The following ZNF407 variants were observed in gnomAD, a reference collection of about 807,000 sequenced individuals.
ZNF407 encodes zinc finger protein 407.
ZNF407 carries 17 observed loss-of-function variants against 131.2 expected under a neutral mutation model. The observed-to-expected ratio is 0.13, with a 90% CI of 0.09 to 0.19. The LOEUF (loss-of-function observed/expected upper bound fraction) is 0.19. Among genes scored for constraint, ZNF407 ranks in the 10% least tolerant of loss-of-function variants. The pLI is 1.00. For missense variants in ZNF407, 2,681 were observed against 2,830.6 expected, an observed-to-expected ratio of 0.95 and a Z score of 1.20; for synonymous variants, 1,156 against 1,062.0, an observed-to-expected ratio of 1.09 and a Z score of -1.72.
chr18:74,885,245 CTGTT>C (rs1971292158), intron 6 of ZNF407, among the ~76,000 whole-genome samples: 1 of 152,054 alleles, frequency 6.6e-6, no homozygotes, highest in African/African-American at 2.4e-5. Flanking sequence ...ACCTGTGCAT[CTGTT>C]TGTCAATTGT....
chr18:74,870,671 T>C (rs1971073923), intron 4 of ZNF407, among the ~76,000 whole-genome samples: 1 of 152,162 alleles, frequency 6.6e-6, no homozygotes, highest in African/African-American at 2.4e-5. Flanking sequence ...TATTTAGCCT[T>C]TGTACACACA....
chr18:74,888,227 T>C (rs1366330783), intron 6 of ZNF407, among the ~76,000 whole-genome samples: 1 of 152,176 alleles, frequency 6.6e-6, no homozygotes, highest in African/African-American at 2.4e-5. Flanking sequence ...AGAAAAATAT[T>C]ACTATACATT....
chr18:75,017,034 T>G (rs796974813), intron 8 of ZNF407, among the ~76,000 whole-genome samples: 3 of 152,082 alleles, frequency 2.0e-5, no homozygotes, highest in African/African-American at 7.2e-5. Context: ...TAAAACTGAG[T>G]GGCAGTGGGA....
intron 8 of ZNF407, among the ~76,000 whole-genome samples, chr18:75,002,748 C>T (rs113913865): frequency 0.04 from 5,942 of 147,876 alleles, 182 homozygotes; most frequent in Middle Eastern, 0.063. Context: ...GAGCTTGCAG[C>T]GAGCCGAGAT....
intron 8 of ZNF407, among the ~76,000 whole-genome samples, chr18:75,040,693 C>T (rs1025066930): frequency 2.0e-5 from 3 of 152,128 alleles, no homozygotes; most frequent in East Asian, 3.9e-4. Context: ...TTGCCCACTG[C>T]GTAACTCTTT....
intron 3 of ZNF407, 112 bp downstream of exon 3, chr18:74,641,234 G>A (rs941183739): frequency 2.9e-5 from 21 of 725,094 alleles, no homozygotes; most frequent in South Asian, 5.0e-5. Flanking sequence ...TTATGCATGC[G>A]TACCCTCCTT....
intron 7 of ZNF407, chr18:74,898,159 A>G (rs1186481740): frequency 6.6e-6 from 1 of 152,208 alleles, no homozygotes; most frequent in African/African-American, 2.4e-5. Context: ...CAGCTTATGT[A>G]TCAGCGTGTC....
chr18:74,973,292 G>A (rs1972493351), intron 8 of ZNF407, among the ~76,000 whole-genome samples: 1 of 152,130 alleles, frequency 6.6e-6, no homozygotes, highest in Non-Finnish European at 1.5e-5. Context: ...ATAACTACAT[G>A]CATTGAGACC....
At chr18:74,692,901 C>G (rs1468991076) in intron 3 of ZNF407, among the ~76,000 whole-genome samples, 2 of 152,140 alleles carry the variant, frequency 1.3e-5, no homozygotes, top group African/African-American at 2.4e-5. Flanking sequence ...TGCTTTATGG[C>G]AGAGAACTGC....
intron 8 of ZNF407, chr18:74,920,984 G>C: frequency 9.2e-7 from 1 of 1,082,656 alleles, no homozygotes; most frequent in Non-Finnish European, 1.1e-6. Flanking sequence ...AATGAGAGTA[G>C]TTGTTAAATC....
intron 3 of ZNF407, among the ~76,000 whole-genome samples, chr18:74,696,298 G>T (rs1967354157): frequency 6.6e-6 from 1 of 152,114 alleles, no homozygotes; most frequent in South Asian, 2.1e-4. Context: ...ATTTTTTCCT[G>T]TTCTCCCAAA....
At chr18:74,948,576 A>G (rs1972180276) in intron 8 of ZNF407, among the ~76,000 whole-genome samples, 1 of 152,156 alleles carries the variant, frequency 6.6e-6, no homozygotes, top group African/African-American at 2.4e-5. Flanking sequence ...TTAATTTATC[A>G]TTTTTACATG....
At chr18:74,932,937 TGCTGAAGCGAATGTA>T (rs1971998965) in intron 8 of ZNF407, among the ~76,000 whole-genome samples, 1 of 152,208 alleles carries the variant, frequency 6.6e-6, no homozygotes, top group African/African-American at 2.4e-5. Flanking sequence ...CCTTATGCGC[TGCTGAAGCGAATGTA>T]CAATAGTGCA....
chr18:75,047,118 T>A lies in ZNF407; in HGVS notation c.5429-16032T>A, dbSNP rs569499627. On this transcript the variant is annotated intron_variant, in intron 8 of 8. Transcript: ENST00000299687. Reference sequence around the variant, plus strand: ...CCAAATATTGAATAATACAAGCATGTTTTAAGAAAGAACTGAGCCCAGTGT... The same window carrying A: ...CCAAATATTGAATAATACAAGCATGATTTAAGAAAGAACTGAGCCCAGTGT... Among the ~76,000 whole-genome samples, 9 of 152,338 alleles carry A rather than the reference T, an allele frequency of 5.9e-5. No homozygotes were observed. The East Asian group carries it at 1.7e-3, about 29-fold the overall frequency.
intron 8 of ZNF407, among the ~76,000 whole-genome samples, chr18:74,953,045 A>G (rs1972233803): frequency 6.6e-6 from 1 of 152,230 alleles, no homozygotes; most frequent in Non-Finnish European, 1.5e-5. Context: ...ACTCTGACGG[A>G]AAGCCATAGA....
At chr18:74,878,354 T>C (rs1321248379) in intron 5 of ZNF407, among the ~76,000 whole-genome samples, 1 of 152,188 alleles carries the variant, frequency 6.6e-6, no homozygotes, top group African/African-American at 2.4e-5. Flanking sequence ...AATTTTATAT[T>C]ATTGTTAGAA....
rs375335878 is a variant in ZNF407, at chr18:75,063,766, C to T, written c.6045C>T (p.Gly2015=). 2.1e-5 allele frequency: 34 copies of T among 1,610,730 alleles called. No individual in the cohort carries two copies. The highest frequency in any genetic ancestry group is 6.7e-5 in the East Asian group (3 of 44,854). The part of the protein sequence containing the change: ...RAGLEEQGRP[G]AKDVLIQLPG... The stretch of plus-strand genomic sequence containing the variant: ...GGCTCGAGGAGCAAGGCAGGCCCGG[C>T]GCCAAAGACGTGCTGATCCAGCTGC... The change falls in exon 9 of 9, where the codon GGC becomes GGT. Residue 2015 remains glycine, a synonymous_variant. Transcript: ENST00000299687. This position sits in a 1 kb window ranked among gnomAD's most constrained non-coding sequence, Gnocchi z 6.6.
At chr18:74,837,386 A>G (rs2145126369) in intron 4 of ZNF407, among the ~76,000 whole-genome samples, 1 of 152,156 alleles carries the variant, frequency 6.6e-6, no homozygotes, top group South Asian at 2.1e-4. Flanking sequence ...GAGAAAGATC[A>G]TTCAGTGAGG....
intron 3 of ZNF407, among the ~76,000 whole-genome samples, chr18:74,700,466 A>T (rs1473386320): frequency 6.6e-6 from 1 of 152,216 alleles, no homozygotes; most frequent in Non-Finnish European, 1.5e-5. Context: ...TGGTGATGCC[A>T]GCACTTTGCA....
Sources: allele counts gnomAD v4.1 joint callset (sites outside exome capture counted in the v4.1 genomes callset), GRCh38; gene constraint gnomAD v4.1.1; non-coding constraint Gnocchi (gnomAD v3.1); transcripts MANE v1.5; gene names NCBI Gene and HGNC (gene_info 2026-07-23, HGNC 2026-07-21).